The following EYS variants were observed in gnomAD, a reference collection of about 807,000 sequenced individuals.
EYS encodes the protein protein eyes shut homolog.
EYS carries 250 observed loss-of-function variants against 282.1 expected under a neutral mutation model. That is an observed-to-expected ratio of 0.89 (90% CI 0.80 to 0.98). The LOEUF (loss-of-function observed/expected upper bound fraction) is 0.98, where lower values mean the gene tolerates loss of function less well. EYS is among the 50% of genes least tolerant of loss of function. The probability of loss-of-function intolerance (pLI) is 0.00; values close to 1 mark genes in which losing one functional copy is unlikely to be tolerated. For missense variants in EYS, 4,016 were observed against 3,709.0 expected (o/e 1.08, Z -2.15); for synonymous variants, 1,355 against 1,282.9 (o/e 1.06, Z -1.20).
intron 35 of EYS, among the ~76,000 whole-genome samples, chr6:63,967,412 T>A (rs1253920441): frequency 6.6e-6 from 1 of 152,204 alleles, no homozygotes; most frequent in Non-Finnish European, 1.5e-5. Context: ...GTGGTGTTAA[T>A]GGACAATAGA....
At chr6:64,691,014 C>T (rs1770361758) in intron 22 of EYS, among the ~76,000 whole-genome samples, 1 of 151,792 alleles carries the variant, frequency 6.6e-6, no homozygotes, top group African/African-American at 2.4e-5. Context: ...AAGTAAAAGT[C>T]ATGCATATAT....
At chr6:65,634,468 C>T (rs1173017570) in intron 2 of EYS, among the ~76,000 whole-genome samples, 1 of 152,166 alleles carries the variant, frequency 6.6e-6, no homozygotes, top group Non-Finnish European at 1.5e-5. Context: ...TTTATCTACA[C>T]CCACTCCCTT....
At chr6:65,572,894 T>C (rs1341024486) in intron 2 of EYS, among the ~76,000 whole-genome samples, 1 of 152,162 alleles carries the variant, frequency 6.6e-6, no homozygotes, top group Non-Finnish European at 1.5e-5. Context: ...ATGCTTTCCA[T>C]TAAACAAAAC....
chr6:65,278,328 A>ATATATATAGATTC (rs747084151), intron 12 of EYS, among the ~76,000 whole-genome samples: 2 of 133,504 alleles, frequency 1.5e-5, no homozygotes, highest in Non-Finnish European at 3.2e-5. Flanking sequence ...AGAAATCTAT[A>ATATATATAGATTC]TATATATAGA....
chr6:64,455,072 T>C (rs1449456151), intron 26 of EYS, among the ~76,000 whole-genome samples: 1 of 152,132 alleles, frequency 6.6e-6, no homozygotes, highest in Non-Finnish European at 1.5e-5. Context: ...CTTCTACTTC[T>C]ATTTATTTAT....
intron 2 of EYS, among the ~76,000 whole-genome samples, chr6:65,591,537 G>T (rs1765233835): frequency 6.6e-6 from 1 of 151,768 alleles, no homozygotes; most frequent in African/African-American, 2.4e-5. Flanking sequence ...CTAGTTCTTG[G>T]TTTATTTTCT....
At chr6:65,603,286 AAG>A (rs1434115764) in intron 2 of EYS, among the ~76,000 whole-genome samples, 1 of 151,914 alleles carries the variant, frequency 6.6e-6, no homozygotes, top group Non-Finnish European at 1.5e-5. Context: ...TCACCAATGA[AAG>A]AGAGGTGAAT....
At chr6:65,646,414 A>T (rs1767452963) in intron 1 of EYS, among the ~76,000 whole-genome samples, 1 of 152,174 alleles carries the variant, frequency 6.6e-6, no homozygotes, top group Non-Finnish European at 1.5e-5. Flanking sequence ...ACAGAATTAA[A>T]AACGAAAGTC....
At chr6:65,610,568 G>A (rs1057259465) in intron 2 of EYS, among the ~76,000 whole-genome samples, 2 of 152,034 alleles carry the variant, frequency 1.3e-5, no homozygotes, top group Non-Finnish European at 2.9e-5. Context: ...AACTACAGGG[G>A]AACATCCTAT....
chr6:64,488,114 T>A (rs1180385297), intron 26 of EYS, among the ~76,000 whole-genome samples: 3 of 151,108 alleles, frequency 2.0e-5, no homozygotes, highest in Non-Finnish European at 3.0e-5. Context: ...TAAGTTGTTT[T>A]GACCTATTTT....
intron 19 of EYS, among the ~76,000 whole-genome samples, chr6:64,870,492 G>C: frequency 7.4e-6 from 1 of 134,252 alleles, no homozygotes. Flanking sequence ...AACATTATAA[G>C]ATCAAAATAT....
Position 64,090,733 on chromosome 6 carries a change from A to G in EYS, c.6425-8731T>C, listed in dbSNP as rs565724312. Among the ~76,000 whole-genome samples the G allele has an allele frequency of 4.3e-4, 65 of 152,138 alleles. 3 individuals carry two copies. Among genetic ancestry groups the G allele is most frequent in the Admixed American group, 4.1e-3 (63 of 15,262 alleles). On this transcript the variant is annotated intron_variant, in intron 31 of 42. Coordinates refer to ENST00000503581, the MANE Select transcript of EYS (RefSeq NM_001142800.2). ...AAGTTATTCAAATAACAATTTTGTCATAGTCATCCAAACTTCTTCCTTTGT... is the reference window on the plus strand; with the variant it reads ...AAGTTATTCAAATAACAATTTTGTCGTAGTCATCCAAACTTCTTCCTTTGT...
At chr6:65,460,735 A>G (rs963110827) in intron 5 of EYS, among the ~76,000 whole-genome samples, 2 of 152,126 alleles carry the variant, frequency 1.3e-5, no homozygotes, top group Admixed American at 6.6e-5. Flanking sequence ...GGATTACTAC[A>G]AACAACACAA....
At chr6:65,193,494 A>C (rs1765692136) in intron 12 of EYS, among the ~76,000 whole-genome samples, 1 of 151,850 alleles carries the variant, frequency 6.6e-6, no homozygotes, top group Non-Finnish European at 1.5e-5. Flanking sequence ...GGAATCATGG[A>C]GTATAAGTGA....
intron 12 of EYS, among the ~76,000 whole-genome samples, chr6:65,173,488 A>C (rs1054475656): frequency 1.3e-5 from 2 of 151,312 alleles, no homozygotes; most frequent in African/African-American, 4.8e-5. Context: ...CTGACATCTA[A>C]TGTTGGTCTT....
intron 12 of EYS, among the ~76,000 whole-genome samples, chr6:65,086,542 G>T (rs1774381785): frequency 6.6e-6 from 1 of 152,072 alleles, no homozygotes; most frequent in South Asian, 2.1e-4. Context: ...TGGAAGCAGA[G>T]ATATTATTTC....
intron 26 of EYS, among the ~76,000 whole-genome samples, chr6:64,577,810 G>A (rs1200391537): frequency 1.3e-5 from 2 of 152,108 alleles, no homozygotes; most frequent in African/African-American, 2.4e-5. Context: ...GTTAGAGACA[G>A]TTTTATAGCT....
chr6:65,005,963 C>T lies in EYS; in HGVS notation c.2138-8260G>A, dbSNP rs373325157. Among the ~76,000 whole-genome samples the T allele has an allele frequency of 9.2e-5, 14 of 152,306 alleles. No individual in the cohort carries two copies. In the East Asian group the frequency reaches 2.1e-3, roughly 23 times the overall value. On this transcript the variant is annotated intron_variant, in intron 13 of 42. Transcript: ENST00000503581. ...ACCTCTGAATCTACTTCCTCTGATC[C>T]CTGCCTCCTAGGTACTAATGGTTCA...
At chr6:65,626,562 T>C (rs1473333933) in intron 2 of EYS, among the ~76,000 whole-genome samples, 1 of 152,156 alleles carries the variant, frequency 6.6e-6, no homozygotes, top group Admixed American at 6.5e-5. Context: ...TTGAATCTGT[T>C]TTAAACAAAC....
Sources: gnomAD v4.1 joint callset for allele counts (sites outside exome capture counted in the v4.1 genomes callset) on GRCh38, gnomAD v4.1.1 for gene constraint, MANE v1.5 for transcripts, NCBI Gene and HGNC (gene_info 2026-07-23, HGNC 2026-07-21) for gene names.